Variants in PTPRD observed in about 807,000 individuals in gnomAD.
PTPRD encodes receptor-type tyrosine-protein phosphatase delta.
PTPRD carries 34 observed loss-of-function variants against 214.5 expected under a neutral mutation model. That is an observed-to-expected ratio of 0.16 (90% confidence interval 0.12 to 0.21). The LOEUF (loss-of-function observed/expected upper bound fraction) is 0.21. Among genes scored for constraint, PTPRD ranks in the 10% least tolerant of loss-of-function variants. PTPRD has a pLI of 1.00. For synonymous variants in PTPRD, 1,128 were observed against 845.7 expected, an observed-to-expected ratio of 1.33 and a Z score of -5.79; for missense variants, 2,545 against 2,398.7, an observed-to-expected ratio of 1.06 and a Z score of -1.27.
chr9:10,271,138 T>C (rs1420422311), intron 3 of PTPRD, among the ~76,000 whole-genome samples: 1 of 152,196 alleles, frequency 6.6e-6, no homozygotes, highest in Non-Finnish European at 1.5e-5. Flanking sequence ...CCTAACATTT[T>C]AATAGATAAT....
intron 3 of PTPRD, among the ~76,000 whole-genome samples, chr9:10,318,408 G>C (rs2096486856): frequency 6.6e-6 from 1 of 151,960 alleles, no homozygotes; most frequent in Non-Finnish European, 1.5e-5. Context: ...TGTGGAATCA[G>C]GGTAACAGGA....
intron 10 of PTPRD, among the ~76,000 whole-genome samples, chr9:9,145,519 T>C (rs1340856743): frequency 6.6e-6 from 1 of 152,104 alleles, no homozygotes; most frequent in African/African-American, 2.4e-5. Flanking sequence ...AAGTTAAATA[T>C]AAGAATAAAA....
At chr9:9,780,699 A>G (rs2098836392) in intron 5 of PTPRD, among the ~76,000 whole-genome samples, 1 of 152,244 alleles carries the variant, frequency 6.6e-6, no homozygotes, top group African/African-American at 2.4e-5. Context: ...CAGAATGATT[A>G]GAAAATTTAA....
At chr9:9,426,462 G>A (rs2080966535) in intron 8 of PTPRD, among the ~76,000 whole-genome samples, 1 of 152,192 alleles carries the variant, frequency 6.6e-6, no homozygotes, top group African/African-American at 2.4e-5. Context: ...GCCTGCCTCT[G>A]TAGACTCCAC....
At chr9:9,840,692 G>T (rs781521392) in intron 5 of PTPRD, among the ~76,000 whole-genome samples, 3 of 136,534 alleles carry the variant, frequency 2.2e-5, no homozygotes, top group Non-Finnish European at 3.0e-5. Context: ...GAACACGGGA[G>T]GCAGAGCTTG....
intron 14 of PTPRD, among the ~76,000 whole-genome samples, chr9:8,541,636 G>C (rs768571274): frequency 1.3e-4 from 20 of 152,018 alleles, no homozygotes; most frequent in Non-Finnish European, 2.2e-4. Flanking sequence ...TCCAGTGCTG[G>C]GATTACCAGC....
chr9:10,395,174 C>T (rs1565762732), intron 2 of PTPRD, among the ~76,000 whole-genome samples: 1 of 151,376 alleles, frequency 6.6e-6, no homozygotes, highest in Non-Finnish European at 1.5e-5. Flanking sequence ...CACATGTATA[C>T]ATGTGCCATG....
chr9:8,848,313 C>CTTTTT (rs371491854), intron 11 of PTPRD, among the ~76,000 whole-genome samples: 1 of 132,668 alleles, frequency 7.5e-6, no homozygotes. Flanking sequence ...AAGATTTTTC[C>CTTTTT]TTTTTTTTTT....
At chr9:8,782,917 A>G (rs576338820) in intron 11 of PTPRD, among the ~76,000 whole-genome samples, 79 of 152,176 alleles carry the variant, frequency 5.2e-4, no homozygotes, top group Admixed American at 1.9e-3. Flanking sequence ...TTCATGTGAA[A>G]TTCAATAGTC....
intron 8 of PTPRD, among the ~76,000 whole-genome samples, chr9:9,517,299 G>C (rs2154251165): frequency 6.6e-6 from 1 of 152,160 alleles, no homozygotes; most frequent in South Asian, 2.1e-4. Context: ...AGTTTGTATG[G>C]GGTAGGGAGA....
At chr9:10,294,841 GT>G (rs2095629165) in intron 3 of PTPRD, among the ~76,000 whole-genome samples, 1 of 151,924 alleles carries the variant, frequency 6.6e-6, no homozygotes, top group African/African-American at 2.4e-5. Flanking sequence ...CAAATTAAAT[GT>G]TTATTTACTG....
chr9:10,376,702 T>G (rs2097735006), intron 2 of PTPRD, among the ~76,000 whole-genome samples: 1 of 151,990 alleles, frequency 6.6e-6, no homozygotes, highest in South Asian at 2.1e-4. Context: ...ATTCTAAAAT[T>G]TATTTGGTTA....
intron 2 of PTPRD, among the ~76,000 whole-genome samples, chr9:10,601,228 G>A (rs953349299): frequency 6.6e-6 from 1 of 151,698 alleles, no homozygotes; most frequent in Non-Finnish European, 1.5e-5. Flanking sequence ...CAGGGAGACA[G>A]TAGGTAGCCA....
chr9:10,276,386 A>AT (rs2094692727), intron 3 of PTPRD, among the ~76,000 whole-genome samples: 1 of 152,202 alleles, frequency 6.6e-6, no homozygotes, highest in Non-Finnish European at 1.5e-5. Flanking sequence ...CAATTTGCTC[A>AT]TTAAAAGAGA....
chr9:8,685,523 C>A (rs2097661886), intron 12 of PTPRD, among the ~76,000 whole-genome samples: 1 of 152,174 alleles, frequency 6.6e-6, no homozygotes, highest in Non-Finnish European at 1.5e-5. Flanking sequence ...ATCAAGGCAA[C>A]AAACACATCA....
intron 10 of PTPRD, among the ~76,000 whole-genome samples, chr9:9,154,685 G>T (rs1569555356): frequency 6.6e-6 from 1 of 152,060 alleles, no homozygotes; most frequent in Non-Finnish European, 1.5e-5. Context: ...TGTTACTAAA[G>T]CCTGTGTCCC....
At chr9:8,768,484 A>C (rs2094937221) in intron 11 of PTPRD, among the ~76,000 whole-genome samples, 1 of 152,136 alleles carries the variant, frequency 6.6e-6, no homozygotes, top group Admixed American at 6.5e-5. Context: ...AGCCCAGAGG[A>C]GGAGGCTGCA....
chr9:9,296,807 G>A (rs1408720099), intron 9 of PTPRD, among the ~76,000 whole-genome samples: 1 of 151,758 alleles, frequency 6.6e-6, no homozygotes, highest in Non-Finnish European at 1.5e-5. Flanking sequence ...ATGCAGAAAT[G>A]AATTTGAACA....
chr9:8,464,549 T>C (rs1484063090), intron 32 of PTPRD, among the ~76,000 whole-genome samples: 1 of 151,924 alleles, frequency 6.6e-6, no homozygotes, highest in Non-Finnish European at 1.5e-5. Context: ...AAATCTTTGA[T>C]ACATTGTGAG....
Sources: gnomAD v4.1 joint callset for allele counts (sites outside exome capture counted in the v4.1 genomes callset) on GRCh38, gnomAD v4.1.1 for gene constraint, MANE v1.5 for transcripts, NCBI Gene and HGNC (gene_info 2026-07-23, HGNC 2026-07-21) for gene names.